ITGA9: variants seen among roughly 807,000 people sequenced by gnomAD.
ITGA9 encodes integrin subunit alpha 9.
In ITGA9, 56 loss-of-function variants were observed where a neutral mutation model predicts 127.8. The observed-to-expected ratio is 0.44, with a 90% CI of 0.35 to 0.55. The LOEUF (loss-of-function observed/expected upper bound fraction) is 0.55, where lower values mean the gene tolerates loss of function less well. Ranked by LOEUF, ITGA9 falls within the 20% of genes least tolerant of loss-of-function variation. The pLI is 0.00. For missense variants in ITGA9, 1,196 were observed against 1,347.1 expected, an observed-to-expected ratio of 0.89 and a Z score of 1.76; for synonymous variants, 508 against 514.5, an observed-to-expected ratio of 0.99 and a Z score of 0.17.
At chr3:37,486,187 C>T (rs79245167) in intron 4 of ITGA9, among the ~76,000 whole-genome samples, 15 of 151,982 alleles carry the variant, frequency 9.9e-5, no homozygotes, top group African/African-American at 3.4e-4. Flanking sequence ...TTATTGTGAC[C>T]GAAAAACCTG....
At chr3:37,625,174 C>T (rs940959839) in intron 15 of ITGA9, among the ~76,000 whole-genome samples, 1 of 152,160 alleles carries the variant, frequency 6.6e-6, no homozygotes, top group South Asian at 2.1e-4. Flanking sequence ...TGACTGTGCC[C>T]AGGGGCATTT....
At chr3:37,635,650 T>C (rs184020341) in intron 16 of ITGA9, among the ~76,000 whole-genome samples, 59 of 152,274 alleles carry the variant, frequency 3.9e-4, no homozygotes, top group Non-Finnish European at 6.5e-4. Context: ...ATTATTATAC[T>C]TTAAGTTTTA....
chr3:37,563,183 G>T (rs1213146995), intron 15 of ITGA9, among the ~76,000 whole-genome samples: 3 of 152,034 alleles, frequency 2.0e-5, no homozygotes, highest in Non-Finnish European at 4.4e-5. Flanking sequence ...GTTAATTTTT[G>T]TGTGTTGTCC....
chr3:37,523,465 C>A, intron 11 of ITGA9, 56 bp from the exon 12 acceptor site: 1 of 1,332,058 alleles, frequency 7.5e-7, no homozygotes, highest in Non-Finnish European at 1.1e-6. Context: ...AGTCACAGTT[C>A]TTATTTGTGA....
intron 15 of ITGA9, among the ~76,000 whole-genome samples, chr3:37,548,007 C>T (rs1699344378): frequency 6.6e-6 from 1 of 152,146 alleles, no homozygotes; most frequent in African/African-American, 2.4e-5. Flanking sequence ...ATACTGTGTG[C>T]ACACTGTAGT....
At chr3:37,527,493 A>G (rs919640732) in intron 13 of ITGA9, among the ~76,000 whole-genome samples, 9 of 152,184 alleles carry the variant, frequency 5.9e-5, no homozygotes, top group African/African-American at 9.7e-5. Flanking sequence ...GAAGGGGGCA[A>G]TTGTGTCCCC....
At chr3:37,602,303 C>T (rs1304375853) in intron 15 of ITGA9, among the ~76,000 whole-genome samples, 1 of 152,238 alleles carries the variant, frequency 6.6e-6, no homozygotes, top group East Asian at 1.9e-4. Context: ...GTTCTTATAT[C>T]CCATCAGTTT....
chr3:37,497,169 C>T (rs2125566966), intron 5 of ITGA9, among the ~76,000 whole-genome samples: 1 of 152,042 alleles, frequency 6.6e-6, no homozygotes, highest in Non-Finnish European at 1.5e-5. Context: ...TTGTTGTTTT[C>T]CTGGTTTTTA....
chr3:37,649,568 A>T (rs1263680847), intron 16 of ITGA9, among the ~76,000 whole-genome samples: 1 of 152,256 alleles, frequency 6.6e-6, no homozygotes, highest in African/African-American at 2.4e-5. Context: ...CTAAGTATAT[A>T]CAACACTGAC....
At chr3:37,479,821 G>A (rs1281167694) in intron 3 of ITGA9, among the ~76,000 whole-genome samples, 1 of 152,156 alleles carries the variant, frequency 6.6e-6, no homozygotes, top group East Asian at 1.9e-4. Context: ...TGCCACTTAG[G>A]CAAAGCACTC....
At chr3:37,673,473 C>T (rs1052576357) in intron 17 of ITGA9, among the ~76,000 whole-genome samples, 2 of 152,188 alleles carry the variant, frequency 1.3e-5, no homozygotes, top group African/African-American at 4.8e-5. Flanking sequence ...CTTAACTCCA[C>T]TCACTTTAAG....
At chr3:37,793,553 AT>A (rs1234716743) in intron 26 of ITGA9, among the ~76,000 whole-genome samples, 3 of 151,968 alleles carry the variant, frequency 2.0e-5, no homozygotes, top group Non-Finnish European at 4.4e-5. Context: ...TATTGAAGGA[AT>A]TTCCCACGTG....
At chr3:37,791,150 G>GCCAGAAACACCC (rs1697104845) in intron 26 of ITGA9, among the ~76,000 whole-genome samples, 1 of 152,144 alleles carries the variant, frequency 6.6e-6, no homozygotes, top group South Asian at 2.1e-4. Context: ...GACCCCTGAA[G>GCCAGAAACACCC]CCAGAAACTC....
chr3:37,566,317 G>C (rs986168358), intron 15 of ITGA9, among the ~76,000 whole-genome samples: 6 of 152,094 alleles, frequency 3.9e-5, no homozygotes, highest in African/African-American at 1.2e-4. Context: ...CCGGACAAAG[G>C]TGTGATTCCC....
chr3:37,683,547 C>T (rs895716023), intron 17 of ITGA9, among the ~76,000 whole-genome samples: 7 of 152,168 alleles, frequency 4.6e-5, no homozygotes, highest in African/African-American at 9.7e-5. Context: ...CAGAAATAAC[C>T]GCATGAATTC....
intron 8 of ITGA9, among the ~76,000 whole-genome samples, chr3:37,509,119 G>C (rs954858919): frequency 2.0e-5 from 3 of 152,098 alleles, no homozygotes; most frequent in Non-Finnish European, 4.4e-5. Flanking sequence ...CCAAACACAG[G>C]TTGCCTGATT....
At chr3:37,473,560 G>T in intron 3 of ITGA9, 100 bp downstream of exon 3, 1 of 780,680 alleles carries the variant, frequency 1.3e-6, no homozygotes, top group South Asian at 1.7e-5. Context: ...GCATGGCTTT[G>T]AGGTTGCTTA....
intron 17 of ITGA9, among the ~76,000 whole-genome samples, chr3:37,673,479 T>C (rs1260506606): frequency 1.3e-5 from 2 of 152,180 alleles, no homozygotes; most frequent in Non-Finnish European, 2.9e-5. Flanking sequence ...TCCACTCACT[T>C]TAAGCAGCAT....
intron 16 of ITGA9, among the ~76,000 whole-genome samples, chr3:37,644,889 C>T (rs1325710070): frequency 6.6e-6 from 1 of 152,178 alleles, no homozygotes; most frequent in Non-Finnish European, 1.5e-5. Context: ...TAGAAAGCAA[C>T]AGTGTATGCC....
Sources: gnomAD v4.1 joint callset for allele counts (sites outside exome capture counted in the v4.1 genomes callset) on GRCh38, gnomAD v4.1.1 for gene constraint, MANE v1.5 for transcripts, NCBI Gene and HGNC (gene_info 2026-07-23, HGNC 2026-07-21) for gene names.